COL21A1: variants seen among roughly 807,000 people sequenced by gnomAD.
The protein encoded by COL21A1 is collagen alpha-1(XXI) chain.
A neutral mutation model predicts 137.9 loss-of-function variants in COL21A1; 149 were observed. The observed-to-expected ratio is 1.08, with a 90% CI of 0.95 to 1.24. The LOEUF (loss-of-function observed/expected upper bound fraction) is 1.24. Ranked by LOEUF, COL21A1 falls within the 50% of genes most tolerant of loss-of-function variation. The pLI, the probability that COL21A1 is intolerant of heterozygous loss-of-function variation, is 0.00. For missense variants in COL21A1, 1,167 were observed against 1,158.4 expected, an observed-to-expected ratio of 1.01 and a Z score of -0.11; for synonymous variants, 456 against 391.5, an observed-to-expected ratio of 1.16 and a Z score of -1.95.
chr6:56,306,622 A>C (rs1582769577), intron 1 of COL21A1, among the ~76,000 whole-genome samples: 1 of 151,826 alleles, frequency 6.6e-6, no homozygotes. Flanking sequence ...TATTCTAGTT[A>C]GCCATTTATC....
At chr6:56,313,580 C>A (rs958899770) in intron 1 of COL21A1, among the ~76,000 whole-genome samples, 2 of 152,132 alleles carry the variant, frequency 1.3e-5, no homozygotes, top group South Asian at 2.1e-4. Flanking sequence ...TATAAGGCCG[C>A]AGTGTTATCA....
intron 1 of COL21A1, among the ~76,000 whole-genome samples, chr6:56,314,387 A>C (rs780119432): frequency 5.3e-5 from 8 of 152,246 alleles, no homozygotes; most frequent in Non-Finnish European, 1.0e-4. Context: ...TGGAGATGTC[A>C]CACTTTTTTT....
intron 10 of COL21A1, 75 bp from the exon 11 acceptor site, chr6:56,142,058 C>T: frequency 9.2e-7 from 1 of 1,092,662 alleles, no homozygotes; most frequent in South Asian, 1.5e-5. Flanking sequence ...TTTCAGAATT[C>T]ACTCTTATCT....
chr6:56,234,058 A>G (rs977609206), intron 1 of COL21A1, among the ~76,000 whole-genome samples: 46 of 151,828 alleles, frequency 3.0e-4, no homozygotes, highest in African/African-American at 1.1e-3. Context: ...CAAATAACAG[A>G]AAAAATCATT....
chr6:56,351,009 C>G (rs771834285), intron 1 of COL21A1, among the ~76,000 whole-genome samples: 2 of 152,256 alleles, frequency 1.3e-5, no homozygotes, highest in Non-Finnish European at 2.9e-5. Flanking sequence ...GTCTGTCTCT[C>G]TAACATTTAG....
intron 12 of COL21A1, among the ~76,000 whole-genome samples, chr6:56,138,485 A>T (rs1048475978): frequency 2.0e-5 from 3 of 152,058 alleles, no homozygotes; most frequent in Non-Finnish European, 4.4e-5. Context: ...CAACGAGAAA[A>T]CATGAAAAGG....
chr6:56,284,449 T>A (rs1184464530), intron 1 of COL21A1, among the ~76,000 whole-genome samples: 6 of 152,192 alleles, frequency 3.9e-5, no homozygotes, highest in Non-Finnish European at 8.8e-5. Flanking sequence ...GTAGTTGTTT[T>A]TTTCTGTCAT....
intron 1 of COL21A1, among the ~76,000 whole-genome samples, chr6:56,255,385 T>C (rs558199295): frequency 5.3e-5 from 8 of 151,620 alleles, no homozygotes; most frequent in Non-Finnish European, 1.0e-4. Flanking sequence ...TTAGTGTTTG[T>C]ATGGATTTTG....
chr6:56,260,880 G>GTGTGTGTGTGTGTA (rs1763255990), intron 1 of COL21A1, among the ~76,000 whole-genome samples: 2 of 150,570 alleles, frequency 1.3e-5, no homozygotes, highest in African/African-American at 4.9e-5. Context: ...GTGTGTGTAT[G>GTGTGTGTGTGTGTA]TGTGTGTGTG....
intron 1 of COL21A1, among the ~76,000 whole-genome samples, chr6:56,343,446 G>A (rs1016509697): frequency 3.9e-5 from 6 of 152,108 alleles, no homozygotes; most frequent in Non-Finnish European, 5.9e-5. Context: ...TCTCACATAC[G>A]GAAGCAATAA....
intron 1 of COL21A1, among the ~76,000 whole-genome samples, chr6:56,346,787 C>T (rs17823553): frequency 0.16 from 24,855 of 152,088 alleles, 2,172 homozygotes; most frequent in Non-Finnish European, 0.18. Flanking sequence ...CATGCCTGAA[C>T]GCAGAGGGAG....
chr6:56,303,996 G>A (rs1406588997), intron 1 of COL21A1, among the ~76,000 whole-genome samples: 1 of 152,166 alleles, frequency 6.6e-6, no homozygotes, highest in Non-Finnish European at 1.5e-5. Flanking sequence ...GAATCATGCG[G>A]TTTTTGTCGT....
At chr6:56,221,680 C>T (rs1017508766) in intron 1 of COL21A1, among the ~76,000 whole-genome samples, 1 of 152,004 alleles carries the variant, frequency 6.6e-6, no homozygotes, top group Admixed American at 6.6e-5. Flanking sequence ...GCCATGACCA[C>T]ACCACTGCAC....
At chr6:56,359,903 T>C (rs951883906) in intron 1 of COL21A1, among the ~76,000 whole-genome samples, 2 of 151,832 alleles carry the variant, frequency 1.3e-5, no homozygotes, top group Non-Finnish European at 2.9e-5. Context: ...TTTGTGATCT[T>C]CCTTCTGCAA....
chr6:56,297,039 G>A (rs1377458914), intron 1 of COL21A1, among the ~76,000 whole-genome samples: 1 of 151,952 alleles, frequency 6.6e-6, no homozygotes, highest in African/African-American at 2.4e-5. Flanking sequence ...CAGAACTTTT[G>A]TTGTAGCTTT....
chr6:56,098,668 T>TATATATAAATATATAAATATATATATAA (rs1770089158), intron 17 of COL21A1, among the ~76,000 whole-genome samples: 1 of 48,968 alleles, frequency 2.0e-5, no homozygotes, highest in African/African-American at 1.0e-4. Context: ...TATATATAAA[T>TATATATAAATATATAAATATATATATAA]ATATATATAA....
chr6:56,101,373 A>G, intron 17 of COL21A1, 99 bp downstream of exon 17: 1 of 876,618 alleles, frequency 1.1e-6, no homozygotes. Flanking sequence ...TCACTGAACA[A>G]ATAATAGGGC....
intron 12 of COL21A1, among the ~76,000 whole-genome samples, 195 bp downstream of exon 12, chr6:56,141,590 T>C (rs1259558235): frequency 6.6e-6 from 1 of 152,192 alleles, no homozygotes. Context: ...CATTTGATAG[T>C]GGTCAATGAT....
At chr6:56,059,067 AC>A in intron 29 of COL21A1, 97 bp downstream of exon 29, 2 of 896,160 alleles carry the variant, frequency 2.2e-6, no homozygotes, top group Non-Finnish European at 3.6e-6. Context: ...AAAAAAGAAA[AC>A]AGATGTCTCA....
Sources: allele counts gnomAD v4.1 joint callset (sites outside exome capture counted in the v4.1 genomes callset), GRCh38; gene constraint gnomAD v4.1.1; transcripts MANE v1.5; gene names NCBI Gene and HGNC (gene_info 2026-07-23, HGNC 2026-07-21).